Variants in MEIKIN observed in about 807,000 individuals in gnomAD.
MEIKIN encodes the protein meiotic kinetochore factor.
intron 11 of MEIKIN, among the ~76,000 whole-genome samples, chr5:131,841,845 C>G (rs965545398): frequency 1.3e-5 from 2 of 152,038 alleles, no homozygotes; most frequent in Non-Finnish European, 2.9e-5. Flanking sequence ...TTCTTAATCC[C>G]TTTTTTGGAA....
intron 9 of MEIKIN, among the ~76,000 whole-genome samples, chr5:131,876,908 A>G (rs1473741950): frequency 1.3e-5 from 2 of 150,554 alleles, no homozygotes; most frequent in Admixed American, 6.7e-5. Flanking sequence ...AAAAAACCAA[A>G]CACCGCATGT....
chr5:131,816,746 T>C (rs1251587819), intron 12 of MEIKIN, among the ~76,000 whole-genome samples: 1 of 152,250 alleles, frequency 6.6e-6, no homozygotes, highest in Non-Finnish European at 1.5e-5. Context: ...ATGCTGATGT[T>C]ATCAGAGATA....
intron 8 of MEIKIN, among the ~76,000 whole-genome samples, chr5:131,903,969 AC>A (rs1751202991): frequency 6.6e-6 from 1 of 152,158 alleles, no homozygotes; most frequent in African/African-American, 2.4e-5. Context: ...TTAAAAAAAA[AC>A]AAAAAAACAA....
intron 9 of MEIKIN, among the ~76,000 whole-genome samples, chr5:131,866,035 C>T (rs977599906): frequency 6.6e-6 from 1 of 152,180 alleles, no homozygotes; most frequent in African/African-American, 2.4e-5. Context: ...GCTTGTGTGC[C>T]AGGTATGGCA....
chr5:131,916,188 T>A (rs1021984217), intron 7 of MEIKIN, among the ~76,000 whole-genome samples: 2 of 152,222 alleles, frequency 1.3e-5, no homozygotes, highest in African/African-American at 4.8e-5. Flanking sequence ...GTGGAAGGAA[T>A]TTTTTAAGCA....
chr5:131,901,817 A>C (rs1028391114), intron 8 of MEIKIN, among the ~76,000 whole-genome samples: 3 of 152,184 alleles, frequency 2.0e-5, no homozygotes, highest in African/African-American at 7.2e-5. Context: ...AAGGATATCA[A>C]ACAGGGCAAA....
At chr5:131,872,891 CCAAACTAAG>C (rs1750533228) in intron 9 of MEIKIN, among the ~76,000 whole-genome samples, 2 of 152,154 alleles carry the variant, frequency 1.3e-5, no homozygotes, top group South Asian at 4.1e-4. Context: ...TCATATCCAG[CCAAACTAAG>C]CTTCATAAGT....
intron 8 of MEIKIN, among the ~76,000 whole-genome samples, chr5:131,891,098 C>A (rs867156585): frequency 6.6e-6 from 1 of 152,184 alleles, no homozygotes; most frequent in Non-Finnish European, 1.5e-5. Flanking sequence ...GTTATGATTT[C>A]TGTTCTTTTA....
chr5:131,915,411 C>A (rs1420282237), intron 7 of MEIKIN, among the ~76,000 whole-genome samples: 1 of 152,144 alleles, frequency 6.6e-6, no homozygotes, highest in Non-Finnish European at 1.5e-5. Flanking sequence ...TTATGGGATT[C>A]CAGATACCCT....
At chr5:131,809,851 A>G (rs1429497647) in intron 12 of MEIKIN, among the ~76,000 whole-genome samples, 1 of 151,944 alleles carries the variant, frequency 6.6e-6, no homozygotes, top group South Asian at 2.1e-4. Context: ...ACCAAAGAAC[A>G]GTTTTCAAAA....
intron 8 of MEIKIN, among the ~76,000 whole-genome samples, chr5:131,894,726 T>C (rs912615766): frequency 6.6e-6 from 1 of 152,214 alleles, no homozygotes; most frequent in South Asian, 2.1e-4. Flanking sequence ...ATAGGAATGC[T>C]TGTGATTTTT....
chr5:131,835,558 G>A (rs11750031), intron 11 of MEIKIN, among the ~76,000 whole-genome samples: 96,521 of 151,944 alleles, frequency 0.64, 32,737 homozygotes, highest in Non-Finnish European at 0.77. Flanking sequence ...GTGTACTTCT[G>A]GGCACTCTGT....
chr5:131,895,661 C>A (rs892142025), intron 8 of MEIKIN, among the ~76,000 whole-genome samples: 2 of 152,092 alleles, frequency 1.3e-5, no homozygotes, highest in African/African-American at 4.8e-5. Flanking sequence ...TATAGATTTT[C>A]TAGTTTATTT....
chr5:131,890,664 C>G (rs184134509), intron 8 of MEIKIN, among the ~76,000 whole-genome samples: 1 of 152,122 alleles, frequency 6.6e-6, no homozygotes. Flanking sequence ...TTTCAAAAAA[C>G]CAGCTCCTGG....
chr5:131,912,125 A>G (rs1487581134), intron 7 of MEIKIN, among the ~76,000 whole-genome samples: 4 of 152,084 alleles, frequency 2.6e-5, no homozygotes, highest in African/African-American at 4.8e-5. Context: ...TGTTTAGAAT[A>G]AGACAGACCT....
At chr5:131,845,781 G>GT (rs1183838461) in intron 11 of MEIKIN, among the ~76,000 whole-genome samples, 2 of 152,004 alleles carry the variant, frequency 1.3e-5, no homozygotes, top group African/African-American at 4.8e-5. Context: ...AATGAACAGT[G>GT]TAAGAGACCT....
intron 9 of MEIKIN, among the ~76,000 whole-genome samples, chr5:131,865,730 T>C (rs1336130423): frequency 1.3e-5 from 2 of 152,272 alleles, no homozygotes; most frequent in Non-Finnish European, 2.9e-5. Context: ...GTTGGTAGGC[T>C]AGAGCACATT....
chr5:131,818,625 C>T (rs1773144250), intron 12 of MEIKIN, 115 bp downstream of exon 12: 3 of 371,678 alleles, frequency 8.1e-6, no homozygotes, highest in Middle Eastern at 7.0e-4. Flanking sequence ...CCACTTTCTG[C>T]AAGAACTCTT....
chr5:131,934,935 A>T (rs910321971), intron 4 of MEIKIN, among the ~76,000 whole-genome samples: 1 of 152,140 alleles, frequency 6.6e-6, no homozygotes, highest in Admixed American at 6.5e-5. Flanking sequence ...ATGCACCTGT[A>T]GTCTCAGCTA....
Sources: gnomAD v4.1 joint callset for allele counts (sites outside exome capture counted in the v4.1 genomes callset) on GRCh38, gnomAD v4.1.1 for gene constraint, MANE v1.5 for transcripts, NCBI Gene and HGNC (gene_info 2026-07-23, HGNC 2026-07-21) for gene names.